Variants in TRAPPC9 observed in about 807,000 individuals in gnomAD.
The protein encoded by TRAPPC9 is IKK2 binding protein.
In TRAPPC9, 83 loss-of-function variants were observed where a neutral mutation model predicts 124.0. The ratio of observed to expected loss-of-function variants is 0.67; its 90% CI spans 0.56 to 0.80. The LOEUF (loss-of-function observed/expected upper bound fraction) is 0.80. TRAPPC9 is among the 30% of genes least tolerant of loss of function. TRAPPC9 has a pLI of 0.00. For missense variants in TRAPPC9, 1,302 were observed against 1,508.3 expected (o/e 0.86, Z 2.27); for synonymous variants, 638 against 617.5 (o/e 1.03, Z -0.49).
chr8:139,902,243 C>A (rs796798653), intron 20 of TRAPPC9, among the ~76,000 whole-genome samples: 11 of 152,310 alleles, frequency 7.2e-5, no homozygotes, highest in African/African-American at 2.6e-4. Context: ...ATGTGTCAAA[C>A]CCCGGCCACT....
chr8:140,239,200 C>T (rs1055153682), intron 16 of TRAPPC9, among the ~76,000 whole-genome samples: 6 of 152,138 alleles, frequency 3.9e-5, no homozygotes, highest in Non-Finnish European at 5.9e-5. Context: ...TCCACCCAGA[C>T]GCACCACCCT....
chr8:139,788,419 T>C lies in TRAPPC9; in HGVS notation c.3056-56217A>G, dbSNP rs1442267388. Among the ~76,000 whole-genome samples, 2 of 152,216 alleles carry C rather than the reference T, an allele frequency of 1.3e-5. No individual in the cohort carries two copies. The highest frequency in any genetic ancestry group is 2.1e-4 in the South Asian group (1 of 4,836). ...TGTTAACTATCAGGCAGGGCAAGGA[T>C]GGCGGCTGCTGGGGAGGGAGAGCGG... On this transcript the variant is annotated intron_variant, in intron 21 of 22. Coordinates refer to ENST00000438773, the MANE Select transcript of TRAPPC9 (RefSeq NM_001160372.4). This position sits in a 1 kb window ranked among gnomAD's most constrained non-coding sequence, Gnocchi z 4.9.
chr8:140,118,821 G>C (rs11990034), intron 17 of TRAPPC9, among the ~76,000 whole-genome samples: 1 of 152,118 alleles, frequency 6.6e-6, no homozygotes, highest in Non-Finnish European at 1.5e-5. Flanking sequence ...TTGAGCGACA[G>C]TACACACTGG....
chr8:139,929,165 G>A (rs1246668000), intron 19 of TRAPPC9, among the ~76,000 whole-genome samples: 1 of 152,140 alleles, frequency 6.6e-6, no homozygotes, highest in African/African-American at 2.4e-5. Flanking sequence ...TAATTAACAA[G>A]CTTCTACATT....
intron 21 of TRAPPC9, among the ~76,000 whole-genome samples, chr8:139,859,342 A>G (rs139300620): frequency 3.2e-4 from 49 of 152,252 alleles, no homozygotes; most frequent in Admixed American, 1.3e-3. Flanking sequence ...GGATGCAGCA[A>G]TCACTACCGC....
intron 11 of TRAPPC9, among the ~76,000 whole-genome samples, chr8:140,293,429 A>G (rs897355419): frequency 9.9e-5 from 15 of 152,142 alleles, no homozygotes; most frequent in South Asian, 2.1e-4. Context: ...TGTTTATTGC[A>G]GCACTATTCA....
intron 6 of TRAPPC9, among the ~76,000 whole-genome samples, chr8:140,404,909 C>CGTGTGT (rs71320356): frequency 0.034 from 4,134 of 119,974 alleles, 71 homozygotes; most frequent in South Asian, 0.065. Flanking sequence ...TGTGAGCATG[C>CGTGTGT]GTGTGTGTGT....
At chr8:139,819,959 G>A (rs535148584) in intron 21 of TRAPPC9, among the ~76,000 whole-genome samples, 4 of 118,964 alleles carry the variant, frequency 3.4e-5, no homozygotes, top group Non-Finnish European at 6.4e-5. Context: ...AGTGAGCCAA[G>A]ATTGTGCCAC....
chr8:140,311,123 G>T, intron 10 of TRAPPC9, 125 bp downstream of exon 10: 1 of 1,165,086 alleles, frequency 8.6e-7, no homozygotes, highest in Non-Finnish European at 1.2e-6. Context: ...AGTTTAATGA[G>T]ATAATGAACC....
chr8:140,180,761 T>C (rs891395035), intron 17 of TRAPPC9, among the ~76,000 whole-genome samples: 4 of 151,954 alleles, frequency 2.6e-5, no homozygotes, highest in Non-Finnish European at 4.4e-5. Context: ...AGGTCTACAA[T>C]TATCATCAGT....
chr8:140,037,756 A>G (rs1840994361), intron 17 of TRAPPC9, among the ~76,000 whole-genome samples: 1 of 149,496 alleles, frequency 6.7e-6, no homozygotes, highest in Admixed American at 6.7e-5. Context: ...CACACCCCAC[A>G]CACACACCCA....
intron 21 of TRAPPC9, among the ~76,000 whole-genome samples, chr8:139,873,051 G>A (rs1172668133): frequency 6.6e-6 from 1 of 152,012 alleles, no homozygotes. Flanking sequence ...TGGGTGGGCT[G>A]GTAGATGGGT....
chr8:140,018,324 A>ATTTTTTCT lies in TRAPPC9; in HGVS notation c.2699+5612_2699+5613insAGAAAAAA, dbSNP rs765656679. 2.3e-4 allele frequency among the ~76,000 whole-genome samples: 28 copies of ATTTTTTCT among 119,776 alleles called. 1 individual carries two copies. The highest frequency in any genetic ancestry group is 8.1e-4 in the African/African-American group (25 of 30,686). 78.6% of individuals were successfully genotyped at this position (119,776 alleles called of 152,430 possible). A position where few individuals can be genotyped will look rare whatever the true frequency, so the allele number is the denominator to read the frequency against. On this transcript the variant is annotated intron_variant, in intron 18 of 22. Transcript: ENST00000438773. ...TTGCTGGTATATAGAAACGTAAGTG[A>ATTTTTTCT]TTTTTTTTTTTTTTTTTGAGACGGA...
At chr8:140,436,545 G>A (rs1263230724) in intron 3 of TRAPPC9, among the ~76,000 whole-genome samples, 2 of 152,144 alleles carry the variant, frequency 1.3e-5, no homozygotes, top group Non-Finnish European at 2.9e-5. Flanking sequence ...GTGATGTCAG[G>A]CCTAAGTAGC....
At chr8:139,947,905 T>TAGAG (rs1431867247) in intron 19 of TRAPPC9, among the ~76,000 whole-genome samples, 9 of 43,332 alleles carry the variant, frequency 2.1e-4, no homozygotes, top group Non-Finnish European at 4.0e-4. Flanking sequence ...TATATATATA[T>TAGAG]ATAGAGAGAG....
At chr8:140,085,827 C>T (rs1365530941) in intron 17 of TRAPPC9, among the ~76,000 whole-genome samples, 1 of 152,198 alleles carries the variant, frequency 6.6e-6, no homozygotes, top group Non-Finnish European at 1.5e-5. Context: ...TCTCTGTCAA[C>T]GCATTGCCTC....
intron 16 of TRAPPC9, among the ~76,000 whole-genome samples, chr8:140,221,853 GTTTTGT>G (rs1002753204): frequency 1.1e-4 from 16 of 152,268 alleles, no homozygotes; most frequent in African/African-American, 3.9e-4. Context: ...GCCCAGGCTG[GTTTTGT>G]TTTTGTTTTT....
At chr8:139,845,032 G>T (rs530272036) in intron 21 of TRAPPC9, among the ~76,000 whole-genome samples, 2 of 152,284 alleles carry the variant, frequency 1.3e-5, no homozygotes, top group African/African-American at 4.8e-5. Flanking sequence ...CTCCAGCCCT[G>T]CCCGGATTCA....
chr8:140,232,174 A>G (rs970721704), intron 16 of TRAPPC9, among the ~76,000 whole-genome samples: 4 of 151,772 alleles, frequency 2.6e-5, no homozygotes, highest in Non-Finnish European at 5.9e-5. Flanking sequence ...CTAGGCTCAA[A>G]CGATCCTCCC....
Sources: allele counts gnomAD v4.1 joint callset (sites outside exome capture counted in the v4.1 genomes callset), GRCh38; gene constraint gnomAD v4.1.1; non-coding constraint Gnocchi (gnomAD v3.1); transcripts MANE v1.5; gene names NCBI Gene and HGNC (gene_info 2026-07-23, HGNC 2026-07-21).